Variants in FBXO25 observed in about 807,000 individuals in gnomAD.
FBXO25 encodes the protein F-box only protein 25.
FBXO25 carries 45 observed loss-of-function variants against 51.9 expected under a neutral mutation model. That is an observed-to-expected ratio of 0.87 (90% CI 0.68 to 1.11). The LOEUF (loss-of-function observed/expected upper bound fraction) is 1.11. FBXO25 is among the 50% of genes most tolerant of loss of function. FBXO25 has a pLI of 0.00. For synonymous variants in FBXO25, 199 were observed against 151.0 expected (o/e 1.32, Z -2.33); for missense variants, 507 against 428.5 (o/e 1.18, Z -1.62).
At chr8:458,348 G>A in intron 7 of FBXO25, 21 bp from the exon 8 acceptor site, 1 of 1,608,774 alleles carries the variant, frequency 6.2e-7, no homozygotes, top group Non-Finnish European at 8.5e-7. Flanking sequence ...TCAGTGAGTT[G>A]CTGTTGTGTT....
rs1439737583 is a variant in FBXO25 at position 469,780 on chromosome 8, A to G, written c.*976A>G. 1 of 152,172 alleles carries G rather than the reference A, an allele frequency of 6.6e-6. No individual in the cohort carries two copies. The highest frequency in any genetic ancestry group is 1.5e-5 in the Non-Finnish European group (1 of 68,024). 9.4% of individuals were successfully genotyped at this position (152,172 alleles called of 1,614,324 possible). A position where few individuals can be genotyped will look rare whatever the true frequency, so the allele number is the denominator to read the frequency against. On this transcript the variant is annotated 3_prime_UTR_variant, in exon 10 of 10. Coordinates refer to ENST00000350302, the MANE Select transcript of FBXO25 (RefSeq NM_183420.2). ...ATAGGATAGAAACGTATTGTTGTAT[A>G]TTTCCATTTTTGAATAGGGTCAAGG...
At chr8:448,477 C>T (rs11993583) in intron 5 of FBXO25, among the ~76,000 whole-genome samples, 34,168 of 152,084 alleles carry the variant, frequency 0.22, 4,214 homozygotes, top group East Asian at 0.36. Context: ...GAAAGGATGG[C>T]CCATGAATTT....
intron 9 of FBXO25, among the ~76,000 whole-genome samples, chr8:466,851 C>T (rs2116852425): frequency 6.6e-6 from 1 of 152,262 alleles, no homozygotes; most frequent in Non-Finnish European, 1.5e-5. Context: ...ACTTCGATGG[C>T]CCTGCGAGGG....
intron 2 of FBXO25, among the ~76,000 whole-genome samples, chr8:419,550 A>G (rs1797027081): frequency 6.6e-6 from 1 of 152,214 alleles, no homozygotes; most frequent in Non-Finnish European, 1.5e-5. Flanking sequence ...ACCTCTTAAT[A>G]TATTCCATGG....
intron 7 of FBXO25, among the ~76,000 whole-genome samples, chr8:454,391 T>G (rs767900221): frequency 6.6e-5 from 10 of 152,200 alleles, no homozygotes; most frequent in Non-Finnish European, 1.5e-4. Flanking sequence ...CCGTCAGCAC[T>G]TCCTAGATGC....
At chr8:442,260 CATAA>C (rs1479046937) in intron 5 of FBXO25, among the ~76,000 whole-genome samples, 1 of 150,616 alleles carries the variant, frequency 6.6e-6, no homozygotes, top group Non-Finnish European at 1.5e-5. Flanking sequence ...CTATTGTATA[CATAA>C]ATGTTTTTAA....
intron 7 of FBXO25, among the ~76,000 whole-genome samples, chr8:455,832 G>A (rs1799390240): frequency 6.6e-6 from 1 of 152,216 alleles, no homozygotes; most frequent in Admixed American, 6.5e-5. Context: ...GACATGTTCA[G>A]CAAGACTTTT....
intron 8 of FBXO25, among the ~76,000 whole-genome samples, 184 bp from the exon 9 acceptor site, chr8:462,823 C>G (rs1799899951): frequency 1.3e-5 from 2 of 152,006 alleles, no homozygotes; most frequent in Non-Finnish European, 2.9e-5. Flanking sequence ...GATGGGAGCA[C>G]AAAAATCCCA....
At position 470,165 on chromosome 8, in the gene FBXO25, G is replaced by T. The variant is rs1043066054; in HGVS notation, c.*1361G>T. On this transcript the variant is annotated 3_prime_UTR_variant, in exon 10 of 10. Coordinates refer to ENST00000350302, the MANE Select transcript of FBXO25 (RefSeq NM_183420.2). Reference sequence around the variant, plus strand: ...TTAGCTCCACAGAATCACCCAGATGGAACAGGCTTTTTCATCACAACATAT... The same window carrying T: ...TTAGCTCCACAGAATCACCCAGATGTAACAGGCTTTTTCATCACAACATAT... 6.6e-6 allele frequency: 1 copy of T among 152,164 alleles called. No homozygotes were observed. Among genetic ancestry groups the T allele is most frequent in the South Asian group, 2.1e-4 (1 of 4,812 alleles). The allele number at this position is 152,164 out of a possible 1,614,324, so 9.4% of individuals were successfully genotyped here.
At chr8:425,141 C>G (rs1232330442) in intron 2 of FBXO25, among the ~76,000 whole-genome samples, 1 of 151,870 alleles carries the variant, frequency 6.6e-6, no homozygotes, top group African/African-American at 2.4e-5. Flanking sequence ...CCGCCCCCCA[C>G]ATGTCCCATT....
Position 470,986 on chromosome 8 carries a change from ATACTGT to A in FBXO25, c.*2189_*2194del, listed in dbSNP as rs1800466164. On this transcript the variant is annotated 3_prime_UTR_variant, in exon 10 of 10. Coordinates refer to ENST00000350302, the MANE Select transcript of FBXO25 (RefSeq NM_183420.2). ...GTGGTTCTTTCCCCTAATTTGTCAT[ATACTGT>A]TACTGTCATTTAATTGTTAGATGTT... 6.6e-6 allele frequency: 1 copy of A among 152,194 alleles called. No homozygotes were observed. The allele number at this position is 152,194 out of a possible 1,614,324, so 9.4% of individuals were successfully genotyped here. A position where few individuals can be genotyped will look rare whatever the true frequency, so the allele number is the denominator to read the frequency against.
intron 2 of FBXO25, among the ~76,000 whole-genome samples, chr8:427,267 T>C (rs1430752534): frequency 2.0e-4 from 30 of 151,844 alleles, no homozygotes; most frequent in Admixed American, 7.2e-4. Context: ...TGCAGCCAAA[T>C]TGATCGAAAG....
intron 8 of FBXO25, among the ~76,000 whole-genome samples, chr8:461,894 A>C (rs1265537744): frequency 6.6e-6 from 1 of 152,216 alleles, no homozygotes; most frequent in African/African-American, 2.4e-5. Context: ...TTATCCATTC[A>C]TCAGTTGATT....
chr8:427,738 T>C (rs1797581312), intron 2 of FBXO25, among the ~76,000 whole-genome samples: 1 of 150,306 alleles, frequency 6.7e-6, no homozygotes, highest in Non-Finnish European at 1.5e-5. Context: ...CATTCACAAA[T>C]ATTGGTCATT....
At chr8:418,630 G>C (rs930239554) in intron 2 of FBXO25, among the ~76,000 whole-genome samples, 5 of 152,082 alleles carry the variant, frequency 3.3e-5, no homozygotes, top group Non-Finnish European at 7.4e-5. Context: ...GTGAGCCACC[G>C]TTCCCGGCTT....
At position 468,063 on chromosome 8, in the gene FBXO25, C is replaced by T; in HGVS notation, c.988-652C>T. The T allele has an allele frequency of 4.3e-6, 5 of 1,157,574 alleles. No homozygotes were observed. The African/African-American group carries it at 8.0e-5, about 18-fold the overall frequency. The allele number at this position is 1,157,574 out of a possible 1,614,324, so 71.7% of individuals were successfully genotyped here. A position where few individuals can be genotyped will look rare whatever the true frequency, so the allele number is the denominator to read the frequency against. ...ATGCCATGGAGAGATCCAGCACTGA[C>T]CCCAGAGCCTCTGGTCCCGTTTACC... is the stretch of plus-strand genomic sequence containing the variant. On this transcript the variant is annotated intron_variant, in intron 9 of 9. Coordinates refer to ENST00000350302, the MANE Select transcript of FBXO25 (RefSeq NM_183420.2).
chr8:451,381 C>G lies in FBXO25; in HGVS notation c.588C>G (p.Ile196Met), dbSNP rs1157489950. ...GGAAGTCTGTATTAGTGGGAAACATCAATATTTGGATTTGCCGATTAGAAA... is the reference window on the plus strand; with the variant it reads ...GGAAGTCTGTATTAGTGGGAAACATGAATATTTGGATTTGCCGATTAGAAA... ...GVGKSVLVGNINIWICRLETI... is the reference protein window; with the variant it reads ...GVGKSVLVGNMNIWICRLETI... Residue 196 changes from isoleucine (I) to methionine (M), a missense_variant, in exon 7 of 10, where the codon ATC (isoleucine) becomes ATG (methionine). By Grantham distance (10) the Ile-to-Met change is conservative. Transcript: ENST00000350302. 2 of 1,613,818 alleles carry G rather than the reference C, an allele frequency of 1.2e-6. No individual in the cohort carries two copies. The highest frequency in any genetic ancestry group is 2.7e-5 in the African/African-American group (2 of 74,884).
chr8:456,783 C>T (rs890349087), intron 7 of FBXO25, among the ~76,000 whole-genome samples: 6 of 152,126 alleles, frequency 3.9e-5, no homozygotes, highest in African/African-American at 9.7e-5. Flanking sequence ...GGTCCATGCT[C>T]GTGCTGCCCA....
At chr8:410,213 C>G (rs774080758) in intron 1 of FBXO25, among the ~76,000 whole-genome samples, 2 of 152,200 alleles carry the variant, frequency 1.3e-5, no homozygotes, top group Non-Finnish European at 2.9e-5. Flanking sequence ...TACATGCACA[C>G]TCACATATCT....
Sources: gnomAD v4.1 joint callset for allele counts (sites outside exome capture counted in the v4.1 genomes callset) on GRCh38, gnomAD v4.1.1 for gene constraint, MANE v1.5 for transcripts, NCBI Gene and HGNC (gene_info 2026-07-23, HGNC 2026-07-21) for gene names.